SYNPO2: variants seen among roughly 807,000 people sequenced by gnomAD.
SYNPO2 encodes synaptopodin-2.
In SYNPO2, 56 loss-of-function variants were observed where a neutral mutation model predicts 85.0. The observed-to-expected ratio is 0.66, with a 90% CI of 0.53 to 0.82. The LOEUF (loss-of-function observed/expected upper bound fraction) is 0.82, where lower values mean the gene tolerates loss of function less well. Among genes scored for constraint, SYNPO2 ranks in the 40% least tolerant of loss-of-function variants. The pLI, the probability that SYNPO2 is intolerant of heterozygous loss-of-function variation, is 0.00. For synonymous variants in SYNPO2, 602 were observed against 591.1 expected, an observed-to-expected ratio of 1.02 and a Z score of -0.27; for missense variants, 1,575 against 1,534.2, an observed-to-expected ratio of 1.03 and a Z score of -0.44.
intron 1 of SYNPO2, among the ~76,000 whole-genome samples, chr4:118,955,743 C>T (rs919438085): frequency 3.3e-5 from 4 of 121,232 alleles, no homozygotes; most frequent in African/African-American, 1.2e-4. Context: ...TGATGTGACT[C>T]TCATGTGAAG....
chr4:118,970,170 A>G (rs1218297130), intron 1 of SYNPO2, among the ~76,000 whole-genome samples: 1 of 152,204 alleles, frequency 6.6e-6, no homozygotes, highest in Non-Finnish European at 1.5e-5. Context: ...TTCCTGAATT[A>G]TAAATTATCA....
intron 1 of SYNPO2, among the ~76,000 whole-genome samples, chr4:118,950,948 T>C (rs1734673178): frequency 6.6e-6 from 1 of 152,136 alleles, no homozygotes; most frequent in African/African-American, 2.4e-5. Flanking sequence ...ACACAACCAG[T>C]GTAAAGATAT....
At chr4:118,905,159 C>T (rs1732891166) in intron 1 of SYNPO2, among the ~76,000 whole-genome samples, 1 of 152,158 alleles carries the variant, frequency 6.6e-6, no homozygotes, top group Admixed American at 6.5e-5. Context: ...GGACACAGGA[C>T]TGAGAGTAGA....
chr4:119,030,624 C>T lies in SYNPO2; in HGVS notation c.1849C>T (p.Pro617Ser). 1.9e-6 allele frequency: 3 copies of T among 1,614,124 alleles called. No homozygotes were observed. Among genetic ancestry groups the T allele is most frequent in the Non-Finnish European group, 1.7e-6 (2 of 1,180,032 alleles). Residue 617 changes from proline (P) to serine (S), a missense_variant, in exon 4 of 5, where the codon CCT (proline) becomes TCT (serine). Transcript: ENST00000307142. ...CATGACGAGTCCCATTGCTGACTTT[C>T]CTGCACCTCCACCTTACTCTGCAGT... ...RNMTSPIADF[P>S]APPPYSAVTP...
At chr4:118,900,741 G>GTCTATCTATCTA (rs200026031) in intron 1 of SYNPO2, among the ~76,000 whole-genome samples, 5,291 of 85,948 alleles carry the variant, frequency 0.062, 213 homozygotes, top group Non-Finnish European at 0.078. Flanking sequence ...ATGTCTGTCT[G>GTCTATCTATCTA]TCTATCTATC....
intron 1 of SYNPO2, among the ~76,000 whole-genome samples, chr4:118,991,513 A>C (rs1327100667): frequency 6.6e-6 from 1 of 152,222 alleles, no homozygotes; most frequent in Non-Finnish European, 1.5e-5. Context: ...CTACCAGTGG[A>C]ATGCTCTTCA....
At chr4:118,882,618 A>G (rs1217164999) in intron 1 of SYNPO2, among the ~76,000 whole-genome samples, 1 of 152,158 alleles carries the variant, frequency 6.6e-6, no homozygotes, top group Admixed American at 6.6e-5. Context: ...TCACACACAC[A>G]CACCCCACAC....
intron 3 of SYNPO2, 108 bp from the exon 4 acceptor site, chr4:119,029,737 A>C (rs1738130191): frequency 7.8e-7 from 1 of 1,289,292 alleles, no homozygotes; most frequent in Non-Finnish European, 1.0e-6. Context: ...CTCAATGGCA[A>C]TTTTTTACAT....
chr4:119,001,811 T>C (rs976364726), intron 1 of SYNPO2, among the ~76,000 whole-genome samples: 1 of 152,330 alleles, frequency 6.6e-6, no homozygotes, highest in Non-Finnish European at 1.5e-5. Flanking sequence ...TACCTTTGTC[T>C]AGTTTTCTTC....
intron 4 of SYNPO2, among the ~76,000 whole-genome samples, chr4:119,050,208 T>C (rs1578677686): frequency 2.6e-5 from 4 of 152,070 alleles, no homozygotes; most frequent in Admixed American, 2.6e-4. Flanking sequence ...GGTAGGCACC[T>C]GTAATGCCAG....
intron 1 of SYNPO2, among the ~76,000 whole-genome samples, chr4:118,915,555 G>A (rs754499398): frequency 7.2e-5 from 11 of 151,972 alleles, no homozygotes; most frequent in Non-Finnish European, 1.5e-4. Flanking sequence ...ATATTTCATT[G>A]TGTGAGTATC....
intron 1 of SYNPO2, among the ~76,000 whole-genome samples, chr4:118,946,230 C>T (rs2149140164): frequency 6.6e-6 from 1 of 152,196 alleles, no homozygotes; most frequent in East Asian, 1.9e-4. Context: ...GTAAGTGGGT[C>T]CAGATGCCAT....
rs537882356 is a variant in SYNPO2 at position 119,031,018 on chromosome 4, G to T, written c.2243G>T (p.Ser748Ile). 108 of 1,614,060 alleles carry T rather than the reference G, an allele frequency of 6.7e-5. 2 individuals carry two copies. In the South Asian group the frequency reaches 1.1e-3, roughly 17 times the overall value. ...GCAGAGGCTTGTAATTTCATGCAAAGCTCCTCTGCCAAACAAAAGACCCCT... is the reference window on the plus strand; with the variant it reads ...GCAGAGGCTTGTAATTTCATGCAAATCTCCTCTGCCAAACAAAAGACCCCT... Reference protein sequence around the residue: ...LGAEACNFMQSSSAKQKTPPP... With the variant: ...LGAEACNFMQISSAKQKTPPP... Residue 748 changes from serine (S) to isoleucine (I), a missense_variant, in exon 4 of 5, where the codon AGC becomes ATC. Ser to Ile is a moderately radical substitution (Grantham distance 142). Around this residue, in one of 3 missense-constraint regions of SYNPO2, gnomAD observed 1,508 missense variants for 1,446.8 expected, o/e 1.04. Coordinates refer to ENST00000307142, the MANE Select transcript of SYNPO2 (RefSeq NM_133477.3).
chr4:118,874,760 T>C (rs1206345595), intron 1 of SYNPO2, among the ~76,000 whole-genome samples: 1 of 151,800 alleles, frequency 6.6e-6, no homozygotes, highest in Admixed American at 6.6e-5. Flanking sequence ...TTATTTAAAA[T>C]GAGAAAAAAA....
rs1731719537 is a variant in SYNPO2, at chr4:118,867,448, G to C, written c.12+16508G>C. On this transcript the variant is annotated intron_variant, in intron 1 of 4. Coordinates refer to the SYNPO2 transcript ENST00000610556. ...TACCATTATAGAGATAATTCCTTGT[G>C]GTTCCTATTAGTTTCTTTCTTTTTT... is the stretch of plus-strand genomic sequence containing the variant. 2.8e-5 allele frequency among the ~76,000 whole-genome samples: 4 copies of C among 145,200 alleles called. No individual in the cohort carries two copies. The South Asian group carries it at 9.0e-4, about 33-fold the overall frequency.
intron 1 of SYNPO2, among the ~76,000 whole-genome samples, chr4:118,963,842 CT>C (rs78298836): frequency 6.6e-6 from 1 of 152,186 alleles, no homozygotes; most frequent in East Asian, 1.9e-4. Flanking sequence ...GCCTAGGAGA[CT>C]TGTTACTCAT....
chr4:118,987,066 T>C (rs932020299), intron 1 of SYNPO2, among the ~76,000 whole-genome samples: 2 of 152,348 alleles, frequency 1.3e-5, no homozygotes, highest in East Asian at 1.9e-4. Flanking sequence ...TCCTTATCAT[T>C]GTTCTTGGTG....
chr4:118,954,265 C>T (rs1240057547), intron 1 of SYNPO2, among the ~76,000 whole-genome samples: 1 of 152,178 alleles, frequency 6.6e-6, no homozygotes, highest in East Asian at 1.9e-4. Context: ...AATTTGCCTC[C>T]AAATGTGCCT....
intron 1 of SYNPO2, among the ~76,000 whole-genome samples, chr4:118,985,361 G>C (rs1211401141): frequency 6.6e-6 from 1 of 152,202 alleles, no homozygotes; most frequent in Non-Finnish European, 1.5e-5. Flanking sequence ...TCTCCTTTCA[G>C]AAGACAGCTG....
Sources: allele counts gnomAD v4.1 joint callset (sites outside exome capture counted in the v4.1 genomes callset), GRCh38; gene constraint gnomAD v4.1.1; regional missense constraint gnomAD v4.1.1; transcripts MANE v1.5; gene names NCBI Gene and HGNC (gene_info 2026-07-23, HGNC 2026-07-21).